Variants in HSD17B4 observed in about 807,000 individuals in gnomAD.
The protein encoded by HSD17B4 is peroxisomal multifunctional enzyme type 2.
Under a neutral mutation model 101.0 loss-of-function variants are expected in HSD17B4, and 70 were observed. The observed-to-expected ratio is 0.69, with a 90% confidence interval of 0.57 to 0.85. The LOEUF is 0.85. Among genes scored for constraint, HSD17B4 ranks in the 40% least tolerant of loss-of-function variants. The pLI is 0.00. For missense variants in HSD17B4, 984 were observed against 892.4 expected (o/e 1.10, Z -1.31); for synonymous variants, 347 against 297.1 (o/e 1.17, Z -1.73).
At position 119,503,743 on chromosome 5, in the gene HSD17B4, GT is replaced by G. The variant is rs140483267; in HGVS notation, c.1261+1663del. 4.4e-3 allele frequency among the ~76,000 whole-genome samples: 618 copies of G among 139,980 alleles called. 7 individuals carry two copies. The South Asian group carries it at 0.05, about 11-fold the overall frequency. The allele number at this position is 139,980 out of a possible 152,430, so 91.8% of individuals were successfully genotyped here. ...CGCAGCAGTACTTTCTTTTCTGTCT[GT>G]TTTTTTTTTTTGGTTTTATATAAAC... On this transcript the variant is annotated intron_variant, in intron 14 of 23. Transcript: ENST00000510025.
chr5:119,527,487 A>C (rs1047384932), intron 20 of HSD17B4, among the ~76,000 whole-genome samples: 1 of 152,026 alleles, frequency 6.6e-6, no homozygotes, highest in Non-Finnish European at 1.5e-5. Flanking sequence ...TGGCCCAGCT[A>C]TTCTGAAAAC....
chr5:119,464,040 T>A, intron 2 of HSD17B4, among the ~76,000 whole-genome samples: 1 of 152,240 alleles, frequency 6.6e-6, no homozygotes, highest in East Asian at 1.9e-4. Flanking sequence ...TTATTAGGAT[T>A]ATTTATTTTT....
At chr5:119,494,552 TAGAAAAACTCA>T in intron 11 of HSD17B4, among the ~76,000 whole-genome samples, 1 of 152,218 alleles carries the variant, frequency 6.6e-6, no homozygotes, top group Non-Finnish European at 1.5e-5. Context: ...AATGCTTCTT[TAGAAAAACTCA>T]AGCCCCAGAT....
intron 2 of HSD17B4, among the ~76,000 whole-genome samples, chr5:119,463,481 A>G (rs1755470324): frequency 6.7e-6 from 1 of 148,892 alleles, no homozygotes; most frequent in Non-Finnish European, 1.5e-5. Flanking sequence ...CCAATAATAT[A>G]TGAGAGTTTC....
chr5:119,504,693 A>G (rs889859679), intron 14 of HSD17B4, among the ~76,000 whole-genome samples: 5 of 152,180 alleles, frequency 3.3e-5, no homozygotes, highest in Non-Finnish European at 7.4e-5. Context: ...TATTGGATAC[A>G]TAGTGTGAGA....
intron 8 of HSD17B4, among the ~76,000 whole-genome samples, chr5:119,484,155 C>G (rs949956835): frequency 6.6e-6 from 1 of 152,130 alleles, no homozygotes; most frequent in African/African-American, 2.4e-5. Context: ...CTACAGTGAG[C>G]TACGGTTGCA....
chr5:119,485,798 G>T (rs1437472169), intron 8 of HSD17B4, among the ~76,000 whole-genome samples: 3 of 152,104 alleles, frequency 2.0e-5, no homozygotes, highest in Non-Finnish European at 2.9e-5. Flanking sequence ...GAGTATCCAG[G>T]AACTAACTTT....
intron 7 of HSD17B4, 167 bp downstream of exon 7, chr5:119,477,668 A>G (rs1357857510): frequency 4.7e-6 from 3 of 635,718 alleles, no homozygotes; most frequent in East Asian, 2.8e-5. Context: ...AATTGGTATA[A>G]TTTAGTCACA....
intron 17 of HSD17B4, among the ~76,000 whole-genome samples, chr5:119,518,770 T>G (rs1275679116): frequency 6.6e-6 from 1 of 152,148 alleles, no homozygotes; most frequent in East Asian, 1.9e-4. Flanking sequence ...CAATATATAT[T>G]TTTAACTATA....
At chr5:119,465,598 T>C (rs1755729440) in intron 2 of HSD17B4, among the ~76,000 whole-genome samples, 1 of 152,240 alleles carries the variant, frequency 6.6e-6, no homozygotes, top group Admixed American at 6.5e-5. Context: ...CAGCCTCAGG[T>C]ATTTCCTATA....
intron 17 of HSD17B4, among the ~76,000 whole-genome samples, chr5:119,516,396 A>G (rs532871247): frequency 2.2e-4 from 33 of 152,276 alleles, no homozygotes; most frequent in Non-Finnish European, 4.4e-4. Flanking sequence ...AAAGCTGAAT[A>G]GTTTCCAAGG....
chr5:119,524,975 A>C (rs2126872491), intron 17 of HSD17B4, among the ~76,000 whole-genome samples: 1 of 152,240 alleles, frequency 6.6e-6, no homozygotes, highest in South Asian at 2.1e-4. Flanking sequence ...GTTTTACCTA[A>C]ATATAATTCT....
At chr5:119,533,167 A>G (rs1306563208) in intron 22 of HSD17B4, among the ~76,000 whole-genome samples, 1 of 152,160 alleles carries the variant, frequency 6.6e-6, no homozygotes, top group African/African-American at 2.4e-5. Flanking sequence ...GATAAGAGAC[A>G]TGGAAAAAAG....
At chr5:119,523,713 A>G (rs1326472470) in intron 17 of HSD17B4, among the ~76,000 whole-genome samples, 1 of 152,156 alleles carries the variant, frequency 6.6e-6, no homozygotes, top group Non-Finnish European at 1.5e-5. Context: ...GGTTGTTTGT[A>G]TTGTTGCTAT....
chr5:119,494,874 TA>T (rs1352868638), intron 11 of HSD17B4, among the ~76,000 whole-genome samples: 1 of 152,212 alleles, frequency 6.6e-6, no homozygotes, highest in Non-Finnish European at 1.5e-5. Context: ...AAAGTCAGAT[TA>T]TTTTTTTCTA....
At chr5:119,473,391 T>G (rs1451736977) in intron 2 of HSD17B4, among the ~76,000 whole-genome samples, 1 of 142,250 alleles carries the variant, frequency 7.0e-6, no homozygotes, top group Non-Finnish European at 1.5e-5. Flanking sequence ...TGATCATAGC[T>G]CACTGCAGCC....
At chr5:119,530,845 CAA>C (rs11423247) in intron 21 of HSD17B4, among the ~76,000 whole-genome samples, 1 of 56,348 alleles carries the variant, frequency 1.8e-5, no homozygotes, top group Non-Finnish European at 3.2e-5. Flanking sequence ...AAGTCTGTCT[CAA>C]AAAAAAAAAA....
chr5:119,541,437 T>C (rs1201015207), intron 23 of HSD17B4, among the ~76,000 whole-genome samples: 2 of 152,236 alleles, frequency 1.3e-5, no homozygotes, highest in Non-Finnish European at 2.9e-5. Context: ...GGCATTCTGA[T>C]GCTACAGCTG....
intron 6 of HSD17B4, among the ~76,000 whole-genome samples, 188 bp from the exon 7 acceptor site, chr5:119,477,229 A>T (rs1748668451): frequency 6.6e-6 from 1 of 152,170 alleles, no homozygotes; most frequent in Non-Finnish European, 1.5e-5. Flanking sequence ...TGTAGTTCTA[A>T]GTGTGAAGTA....
Sources: gnomAD v4.1 joint callset for allele counts (sites outside exome capture counted in the v4.1 genomes callset) on GRCh38, gnomAD v4.1.1 for gene constraint, MANE v1.5 for transcripts, NCBI Gene and HGNC (gene_info 2026-07-23, HGNC 2026-07-21) for gene names.